Variants in DCAF6 observed in about 807,000 individuals in gnomAD.
DCAF6 encodes the protein DDB1- and CUL4-associated factor 6.
Under a neutral mutation model 125.1 loss-of-function variants are expected in DCAF6, and 54 were observed. That is an observed-to-expected ratio of 0.43 (90% confidence interval 0.35 to 0.54). The LOEUF is 0.54. Among genes scored for constraint, DCAF6 ranks in the 20% least tolerant of loss-of-function variants. The pLI is 0.01. For missense variants in DCAF6, 934 were observed against 1,161.7 expected (o/e 0.80, Z 2.85); for synonymous variants, 371 against 390.4 (o/e 0.95, Z 0.58).
chr1:168,066,788 A>G (rs1347193295), intron 20 of DCAF6, among the ~76,000 whole-genome samples: 1 of 152,160 alleles, frequency 6.6e-6, no homozygotes, highest in Non-Finnish European at 1.5e-5. Context: ...TTTTAAGAAA[A>G]TAATTTTATT....
At chr1:167,937,094 A>ACGGCGTCT (rs1671372451) in intron 1 of DCAF6, 86 bp downstream of exon 1, 10 of 1,234,862 alleles carry the variant, frequency 8.1e-6, no homozygotes, top group Non-Finnish European at 1.2e-5. Flanking sequence ...TGGAGGTGGG[A>ACGGCGTCT]CGGCGTCTCG....
At chr1:167,906,644 C>T in the DCAF6 span, among the ~76,000 whole-genome samples, 127 of 148,144 alleles carry the variant, frequency 8.6e-4, no homozygotes, top group Non-Finnish European at 1.5e-3. Flanking sequence ...AAAAAAATTG[C>T]TGGGTGTGGT....
At chr1:167,944,331 T>C (rs764969154) in intron 1 of DCAF6, among the ~76,000 whole-genome samples, 15 of 152,246 alleles carry the variant, frequency 9.9e-5, no homozygotes, top group Non-Finnish European at 2.1e-4. Flanking sequence ...TGTAAAAATC[T>C]AGTAGTGGGA....
At chr1:168,010,953 C>G (rs1417553188) in intron 10 of DCAF6, among the ~76,000 whole-genome samples, 1 of 151,746 alleles carries the variant, frequency 6.6e-6, no homozygotes, top group African/African-American at 2.4e-5. Flanking sequence ...TCATTTTAAC[C>G]TATTTAAAGA....
the DCAF6 span, among the ~76,000 whole-genome samples, chr1:167,908,324 G>A: frequency 2.6e-5 from 4 of 152,112 alleles, no homozygotes; most frequent in Admixed American, 1.3e-4. Flanking sequence ...AATATTGAAC[G>A]ATCTCACTTA....
intron 7 of DCAF6, among the ~76,000 whole-genome samples, chr1:167,997,276 C>T (rs1423090848): frequency 1.3e-5 from 2 of 152,088 alleles, no homozygotes; most frequent in African/African-American, 2.4e-5. Flanking sequence ...ATAAAAATTC[C>T]TCTCTGTTGA....
the DCAF6 span, chr1:167,903,757 G>T: frequency 1.4e-6 from 1 of 713,026 alleles, no homozygotes; most frequent in Non-Finnish European, 2.5e-6. Flanking sequence ...AAAAAGACTG[G>T]TTTTATACAC....
rs552839485 is a variant in DCAF6 at position 167,966,555 on chromosome 1, G to T, written c.160-74G>T. On this transcript the variant is annotated intron_variant, in intron 2 of 21. Transcript: ENST00000367840. ...TCATTAGTGGTAAAAATTTTGTACC[G>T]CCAGGTGAGTGAAAGATGGCATATT... The T allele has an allele frequency of 4.2e-6, 4 of 955,682 alleles. No homozygotes were observed. In the African/African-American group the frequency reaches 4.9e-5, roughly 12 times the overall value. 59.2% of individuals were successfully genotyped at this position (955,682 alleles called of 1,614,324 possible). A position where few individuals can be genotyped will look rare whatever the true frequency, so the allele number is the denominator to read the frequency against.
intron 10 of DCAF6, among the ~76,000 whole-genome samples, chr1:168,014,331 A>G (rs1050574459): frequency 7.2e-5 from 11 of 152,104 alleles, no homozygotes; most frequent in Non-Finnish European, 1.3e-4. Context: ...TTTTGATACA[A>G]TTTCACGACT....
chr1:167,891,084 C>T, the DCAF6 span, among the ~76,000 whole-genome samples: 330 of 152,190 alleles, frequency 2.2e-3, no homozygotes, highest in Non-Finnish European at 4.1e-3. Flanking sequence ...GTCTCAGCCT[C>T]CTGAGTAGCT....
At chr1:167,904,903 C>G in the DCAF6 span, 1 of 1,574,342 alleles carries the variant, frequency 6.4e-7, no homozygotes, top group Non-Finnish European at 8.7e-7. Context: ...TCCAGAATGG[C>G]CTCCCTACTC....
intron 12 of DCAF6, among the ~76,000 whole-genome samples, chr1:168,031,782 A>C (rs1158922329): frequency 1.3e-5 from 2 of 152,186 alleles, no homozygotes; most frequent in Non-Finnish European, 2.9e-5. Context: ...GGCAGGACTC[A>C]TGTGCCACAT....
chr1:168,004,860 T>G (rs1683128247), intron 10 of DCAF6, 67 bp downstream of exon 10: 1 of 1,527,332 alleles, frequency 6.5e-7, no homozygotes, highest in African/African-American at 1.4e-5. Flanking sequence ...ACTGGCTATT[T>G]TGAAAGATAC....
intron 1 of DCAF6, among the ~76,000 whole-genome samples, chr1:167,950,174 A>G (rs1282603486): frequency 4.0e-5 from 2 of 49,496 alleles, no homozygotes; most frequent in Non-Finnish European, 6.8e-5. Flanking sequence ...AAATTTTGAC[A>G]AAGTTTCCAA....
At chr1:167,993,698 G>A (rs139707829) in intron 7 of DCAF6, among the ~76,000 whole-genome samples, 2,826 of 152,122 alleles carry the variant, frequency 0.019, 76 homozygotes, top group African/African-American at 0.064. Flanking sequence ...GTGGTGAGCC[G>A]AAATCACGCC....
intron 10 of DCAF6, among the ~76,000 whole-genome samples, chr1:168,007,989 T>TTA (rs71100921): frequency 3.7e-5 from 5 of 134,060 alleles, no homozygotes; most frequent in Non-Finnish European, 6.3e-5. Flanking sequence ...TTTTTTTTTT[T>TTA]AAAGACAGTC....
chr1:167,936,545 C>T (rs1418786320), upstream of DCAF6: 4 of 275,626 alleles, frequency 1.5e-5, no homozygotes, highest in Admixed American at 2.1e-4. Flanking sequence ...GCCTCAGTCC[C>T]CAGGGTGGTC....
the DCAF6 span, among the ~76,000 whole-genome samples, chr1:167,926,745 G>A: frequency 1.3e-5 from 2 of 152,166 alleles, no homozygotes; most frequent in Non-Finnish European, 2.9e-5. Flanking sequence ...CTGGCCTAGG[G>A]CGACTGATAA....
rs375003579 is a variant in DCAF6 at position 168,056,707 on chromosome 1, G to A, written c.2300+5774G>A. Among the ~76,000 whole-genome samples the A allele has an allele frequency of 5.6e-4, 85 of 152,308 alleles. 1 individual carries two copies. The highest frequency in any genetic ancestry group is 2.0e-3 in the African/African-American group (82 of 41,562). On this transcript the variant is annotated intron_variant, in intron 17 of 21. Transcript: ENST00000367840. ...AATAAAGCCTCTGAGAAGACTTGCA[G>A]CAAGAAACCTCTTTAAGCTTTGTTT...
Sources: gnomAD v4.1 joint callset for allele counts (sites outside exome capture counted in the v4.1 genomes callset) on GRCh38, gnomAD v4.1.1 for gene constraint, MANE v1.5 for transcripts, NCBI Gene and HGNC (gene_info 2026-07-23, HGNC 2026-07-21) for gene names.